Variants in NCBP1 observed in about 807,000 individuals in gnomAD.
NCBP1 encodes the protein nuclear cap-binding protein subunit 1.
Under a neutral mutation model 111.7 loss-of-function variants are expected in NCBP1, and 16 were observed. That is an observed-to-expected ratio of 0.14 (90% CI 0.10 to 0.22). NCBP1 has a LOEUF of 0.22. Ranked by LOEUF, NCBP1 falls within the 10% of genes least tolerant of loss-of-function variation. The pLI is 1.00. For synonymous variants in NCBP1, 304 were observed against 314.3 expected, an observed-to-expected ratio of 0.97 and a Z score of 0.35; for missense variants, 607 against 957.5, an observed-to-expected ratio of 0.63 and a Z score of 4.83.
At chr9:97,640,153 C>T (rs1174440783) in intron 1 of NCBP1, among the ~76,000 whole-genome samples, 1 of 152,102 alleles carries the variant, frequency 6.6e-6, no homozygotes, top group Non-Finnish European at 1.5e-5. Flanking sequence ...GCATCATATG[C>T]AGAACTGAAA....
chr9:97,653,740 C>A, intron 10 of NCBP1, 58 bp from the exon 11 acceptor site: 1 of 1,317,362 alleles, frequency 7.6e-7, no homozygotes, highest in East Asian at 2.3e-5. Flanking sequence ...TAAGGTCTTT[C>A]TAATAGAAGT....
rs1178474574 is a variant in NCBP1 at position 97,671,598 on chromosome 9, A to G, written c.*399A>G. The G allele has an allele frequency of 1.3e-5, 2 of 155,290 alleles. No individual in the cohort carries two copies. The highest frequency in any genetic ancestry group is 2.8e-5 in the Non-Finnish European group (2 of 70,244). 9.6% of individuals were successfully genotyped at this position (155,290 alleles called of 1,614,324 possible). A position where few individuals can be genotyped will look rare whatever the true frequency, so the allele number is the denominator to read the frequency against. On this transcript the variant is annotated 3_prime_UTR_variant, in exon 23 of 23. Coordinates refer to ENST00000375147, the MANE Select transcript of NCBP1 (RefSeq NM_002486.5). Reference sequence around the variant, plus strand: ...TTTCACAGCTCGGGGATGAATTAACATGGCTGAAATAAAACTAAAAGTATG... The same window carrying G: ...TTTCACAGCTCGGGGATGAATTAACGTGGCTGAAATAAAACTAAAAGTATG...
At chr9:97,662,740 G>T (rs1587722400) in intron 17 of NCBP1, among the ~76,000 whole-genome samples, 1 of 152,126 alleles carries the variant, frequency 6.6e-6, no homozygotes, top group Non-Finnish European at 1.5e-5. Context: ...CTGGGCTAAC[G>T]GTAGTATATT....
At chr9:97,657,450 C>T (rs769112768) in intron 14 of NCBP1, among the ~76,000 whole-genome samples, 2 of 152,318 alleles carry the variant, frequency 1.3e-5, no homozygotes, top group Non-Finnish European at 2.9e-5. Context: ...ATTGTTAATG[C>T]TCTTGGTGTG....
intron 8 of NCBP1, among the ~76,000 whole-genome samples, 177 bp downstream of exon 8, chr9:97,648,400 G>T (rs1384824390): frequency 6.6e-6 from 1 of 152,198 alleles, no homozygotes; most frequent in East Asian, 1.9e-4. Flanking sequence ...CATTATGCAA[G>T]AAATTATATT....
intron 4 of NCBP1, 58 bp downstream of exon 4, chr9:97,643,418 GAAC>G: frequency 7.0e-7 from 1 of 1,421,434 alleles, no homozygotes. Flanking sequence ...GGGAAAAGGT[GAAC>G]TACAACCAAA....
intron 6 of NCBP1, among the ~76,000 whole-genome samples, chr9:97,646,616 A>ACCC (rs1827340855): frequency 6.6e-6 from 1 of 152,096 alleles, no homozygotes; most frequent in Admixed American, 6.5e-5. Flanking sequence ...CAGGTGGATC[A>ACCC]CCCGAGGTCA....
intron 21 of NCBP1, among the ~76,000 whole-genome samples, chr9:97,669,224 G>A (rs1374845735): frequency 2.0e-5 from 3 of 151,738 alleles, no homozygotes; most frequent in African/African-American, 7.3e-5. Flanking sequence ...ATTGTGGGTT[G>A]CTTTTTTTAT....
At chr9:97,648,411 T>A (rs1294402894) in intron 8 of NCBP1, among the ~76,000 whole-genome samples, 188 bp downstream of exon 8, 2 of 152,242 alleles carry the variant, frequency 1.3e-5, no homozygotes, top group African/African-American at 4.8e-5. Context: ...AAATTATATT[T>A]GGCATGTGTA....
chr9:97,673,076 C>G lies in NCBP1; in HGVS notation c.*1877C>G, dbSNP rs1307731845. On this transcript the variant is annotated 3_prime_UTR_variant, in exon 23 of 23. Coordinates refer to ENST00000375147, the MANE Select transcript of NCBP1 (RefSeq NM_002486.5). The stretch of plus-strand genomic sequence containing the variant: ...CTGGGAGGTGGAGGTTTCAGTGAGC[C>G]AAGATTGTGCCACTGCACTCCAGCC... The G allele has an allele frequency of 1.3e-5, 2 of 152,346 alleles. No individual in the cohort carries two copies. Among genetic ancestry groups the G allele is most frequent in the Admixed American group, 1.3e-4 (2 of 15,262 alleles). 9.4% of individuals were successfully genotyped at this position (152,346 alleles called of 1,614,324 possible). A position where few individuals can be genotyped will look rare whatever the true frequency, so the allele number is the denominator to read the frequency against.
At chr9:97,636,637 CATATATATATATATATATAT>C (rs377027165) in intron 1 of NCBP1, among the ~76,000 whole-genome samples, 41 of 111,254 alleles carry the variant, frequency 3.7e-4, no homozygotes, top group African/African-American at 6.9e-4. Flanking sequence ...GAAAGTAATA[CATATATATATATATATATAT>C]ATATATATAT....
chr9:97,648,231 A>G lies in NCBP1; in HGVS notation c.897+8A>G, dbSNP rs1368715517. 7 of 1,612,958 alleles carry G rather than the reference A, an allele frequency of 4.3e-6. No homozygotes were observed. Among genetic ancestry groups the G allele is most frequent in the Non-Finnish European group, 5.9e-6 (7 of 1,179,188 alleles). On this transcript the variant is annotated splice_region_variant and intron_variant, in intron 8 of 22. Transcript: ENST00000375147. ...TACACAGATGATCCCGAGGTAAGTGACCGACTAAAAGTCCTAGATATTGAC... is the reference window on the plus strand; with the variant it reads ...TACACAGATGATCCCGAGGTAAGTGGCCGACTAAAAGTCCTAGATATTGAC...
chr9:97,672,729 G>A lies in NCBP1; in HGVS notation c.*1530G>A. The A allele has an allele frequency of 5.6e-6, 1 of 180,010 alleles. No homozygotes were observed. Among genetic ancestry groups the A allele is most frequent in the South Asian group, 1.5e-4 (1 of 6,470 alleles). 11.2% of individuals were successfully genotyped at this position (180,010 alleles called of 1,614,324 possible). On this transcript the variant is annotated 3_prime_UTR_variant, in exon 23 of 23. Coordinates refer to ENST00000375147, the MANE Select transcript of NCBP1 (RefSeq NM_002486.5). ...TTGTCTTCCTCAGCCTGCTCAACGT[G>A]AAGATGATGAGGATGAAGACCTTTA... is the stretch of plus-strand genomic sequence containing the variant.
chr9:97,659,316 T>C (rs1827761701), intron 15 of NCBP1, among the ~76,000 whole-genome samples: 1 of 152,326 alleles, frequency 6.6e-6, no homozygotes, highest in South Asian at 2.1e-4. Context: ...ACTTGTTCTT[T>C]GCAGATTACA....
At chr9:97,641,407 G>C (rs1827201081) in intron 2 of NCBP1, among the ~76,000 whole-genome samples, 155 bp from the exon 3 acceptor site, 1 of 152,040 alleles carries the variant, frequency 6.6e-6, no homozygotes, top group South Asian at 2.1e-4. Flanking sequence ...TTTTATTTTA[G>C]TTCACTAAAA....
At chr9:97,655,956 T>C (rs1827640032) in intron 13 of NCBP1, 55 bp from the exon 14 acceptor site, 1 of 1,498,428 alleles carries the variant, frequency 6.7e-7, no homozygotes, top group Non-Finnish European at 9.3e-7. Flanking sequence ...ATAGTACAAA[T>C]GGGTGTAAGT....
chr9:97,635,577 A>G (rs906082449), intron 1 of NCBP1, among the ~76,000 whole-genome samples: 2 of 148,672 alleles, frequency 1.3e-5, no homozygotes, highest in Non-Finnish European at 3.0e-5. Flanking sequence ...CGCCCGGCTA[A>G]TTTTTTTTTT....
rs1166375057 is a variant in NCBP1, at chr9:97,634,517, G to A, written c.34+602G>A. 2.6e-5 allele frequency: 4 copies of A among 152,278 alleles called. No homozygotes were observed. The East Asian group carries it at 7.7e-4, about 29-fold the overall frequency. 9.4% of individuals were successfully genotyped at this position (152,278 alleles called of 1,614,324 possible). A position where few individuals can be genotyped will look rare whatever the true frequency, so the allele number is the denominator to read the frequency against. ...AAGCGCATTTCCCTTGTGTGAGAGA[G>A]AGTGCTAGAAAACTAACTTCAGGCC... is the stretch of plus-strand genomic sequence containing the variant. On this transcript the variant is annotated intron_variant, in intron 1 of 22. Coordinates refer to ENST00000375147, the MANE Select transcript of NCBP1 (RefSeq NM_002486.5).
intron 18 of NCBP1, 90 bp downstream of exon 18, chr9:97,663,137 A>T (rs972936667): frequency 3.0e-5 from 30 of 1,008,688 alleles, no homozygotes; most frequent in Non-Finnish European, 4.5e-5. Context: ...TTTGTAAAAC[A>T]TGAAATTTGA....
Sources: allele counts gnomAD v4.1 joint callset (sites outside exome capture counted in the v4.1 genomes callset), GRCh38; gene constraint gnomAD v4.1.1; transcripts MANE v1.5; gene names NCBI Gene and HGNC (gene_info 2026-07-23, HGNC 2026-07-21).